Variants in AGBL4 observed in about 807,000 individuals in gnomAD.
The protein encoded by AGBL4 is cytosolic carboxypeptidase 6.
AGBL4 carries 58 observed loss-of-function variants against 66.4 expected under a neutral mutation model. That is an observed-to-expected ratio of 0.87 (90% CI 0.71 to 1.09). AGBL4 has a LOEUF of 1.09. AGBL4 is among the 50% of genes least tolerant of loss of function. The probability of loss-of-function intolerance (pLI) is 0.00; values close to 1 mark genes in which losing one functional copy is unlikely to be tolerated. For missense variants in AGBL4, 579 were observed against 631.0 expected, an observed-to-expected ratio of 0.92 and a Z score of 0.88; for synonymous variants, 234 against 222.9, an observed-to-expected ratio of 1.05 and a Z score of -0.44.
intron 3 of AGBL4, among the ~76,000 whole-genome samples, chr1:49,603,735 T>C (rs1214649584): frequency 6.6e-6 from 1 of 151,654 alleles, no homozygotes; most frequent in African/African-American, 2.4e-5. Flanking sequence ...CCATTCTGAG[T>C]CTCCAGTGTC....
At chr1:48,784,367 A>G (rs1934405) in intron 6 of AGBL4, among the ~76,000 whole-genome samples, 119,342 of 152,076 alleles carry the variant, frequency 0.78, 47,122 homozygotes, top group African/African-American at 0.86. Flanking sequence ...GAACAATGCT[A>G]ATGATAATCC....
At chr1:49,619,978 G>T (rs1339654707) in intron 3 of AGBL4, among the ~76,000 whole-genome samples, 1 of 152,088 alleles carries the variant, frequency 6.6e-6, no homozygotes, top group Non-Finnish European at 1.5e-5. Flanking sequence ...ATTCAAGATG[G>T]GTTAGAGACT....
At chr1:49,245,260 AC>A (rs1651547653) in intron 4 of AGBL4, among the ~76,000 whole-genome samples, 2 of 20,882 alleles carry the variant, frequency 9.6e-5, no homozygotes, top group African/African-American at 2.8e-4. Context: ...TTTAAAATAC[AC>A]ACACACACAC....
At position 49,350,124 on chromosome 1, in the gene AGBL4, T is replaced by A. The variant is rs369956778; in HGVS notation, c.283-104260A>T. Among the ~76,000 whole-genome samples the A allele has an allele frequency of 1.3e-4, 20 of 152,300 alleles. 1 individual carries two copies. Among genetic ancestry groups the A allele is most frequent in the African/African-American group, 4.8e-4 (20 of 41,564 alleles). On this transcript the variant is annotated intron_variant, in intron 3 of 13. Coordinates refer to ENST00000371839, the MANE Select transcript of AGBL4 (RefSeq NM_032785.4). ...TGTTTACTGATATATGTCCACTCTG[T>A]GTCACAGTGTTTGGCAATACTTAGA...
chr1:49,374,888 C>T (rs752000230), intron 3 of AGBL4, among the ~76,000 whole-genome samples: 3 of 152,096 alleles, frequency 2.0e-5, no homozygotes, highest in Non-Finnish European at 2.9e-5. Context: ...TAAACCTATC[C>T]AGTAGCTTCC....
At chr1:49,689,779 T>C (rs1160886797) in intron 3 of AGBL4, among the ~76,000 whole-genome samples, 1 of 152,208 alleles carries the variant, frequency 6.6e-6, no homozygotes, top group African/African-American at 2.4e-5. Context: ...AAACGAGAGC[T>C]TTCAGTCCTT....
intron 3 of AGBL4, among the ~76,000 whole-genome samples, chr1:49,379,084 C>T (rs1450174503): frequency 6.6e-6 from 1 of 151,982 alleles, no homozygotes; most frequent in African/African-American, 2.4e-5. Context: ...AATTTGTATG[C>T]CCTAGTATAG....
intron 5 of AGBL4, among the ~76,000 whole-genome samples, chr1:48,876,863 T>C (rs970918092): frequency 6.6e-6 from 1 of 152,214 alleles, no homozygotes. Context: ...ACATTTCTTT[T>C]TGTGGAATCA....
chr1:49,037,835 G>A (rs867017061), intron 5 of AGBL4, among the ~76,000 whole-genome samples: 2 of 151,932 alleles, frequency 1.3e-5, no homozygotes, highest in Middle Eastern at 3.2e-3. Context: ...GAGCCTGGCA[G>A]GCAGAAGATG....
chr1:49,858,735 G>A (rs1353849084), intron 1 of AGBL4, among the ~76,000 whole-genome samples: 1 of 152,016 alleles, frequency 6.6e-6, no homozygotes. Flanking sequence ...GCATGAAAAA[G>A]GCCAGGCAAG....
At position 48,634,550 on chromosome 1, in the gene AGBL4, C is replaced by A; in HGVS notation, c.894G>T (p.Trp298Cys). ...TCACTCCATGCAGGGTAGGATGGAC[C>A]CATGGAGAGGGATCCAGCCAGTGAC... The part of the protein sequence containing the change: ...LNRHWLDPSP[W>C]VHPTLHGVKQ... Residue 298 changes from tryptophan (W) to cysteine (C), a missense_variant, in exon 9 of 14, where the codon TGG becomes TGT. Physicochemically the swap from Trp to Cys is radical, Grantham distance 215. Transcript: ENST00000371839. The A allele has an allele frequency of 6.2e-7, 1 of 1,606,774 alleles. No individual in the cohort carries two copies. The highest frequency in any genetic ancestry group is 1.7e-5 in the Admixed American group (1 of 59,304).
chr1:48,978,623 A>G (rs1355640697), intron 5 of AGBL4, among the ~76,000 whole-genome samples: 1 of 152,162 alleles, frequency 6.6e-6, no homozygotes, highest in Non-Finnish European at 1.5e-5. Context: ...CGGTGATAAC[A>G]GCTTCCTGCA....
chr1:48,822,576 T>A (rs545601042), intron 6 of AGBL4, among the ~76,000 whole-genome samples: 7 of 152,380 alleles, frequency 4.6e-5, no homozygotes, highest in African/African-American at 1.7e-4. Context: ...TCTACTCTGC[T>A]CTATTGATCT....
intron 1 of AGBL4, among the ~76,000 whole-genome samples, chr1:49,961,653 A>T (rs1433225515): frequency 1.3e-5 from 2 of 152,154 alleles, no homozygotes; most frequent in Non-Finnish European, 2.9e-5. Context: ...ATAGTTTAGT[A>T]AAGATAATTT....
intron 6 of AGBL4, among the ~76,000 whole-genome samples, chr1:48,772,672 T>C (rs1644895657): frequency 6.6e-6 from 1 of 152,088 alleles, no homozygotes; most frequent in African/African-American, 2.4e-5. Flanking sequence ...ATGAGAGCAG[T>C]CAACTAAGAC....
chr1:49,126,941 C>T (rs577494528), intron 4 of AGBL4, among the ~76,000 whole-genome samples: 19 of 152,128 alleles, frequency 1.2e-4, no homozygotes, highest in African/African-American at 4.6e-4. Context: ...TCATAAAAGA[C>T]CCTAGACAGT....
chr1:49,223,986 G>C (rs1649702902), intron 4 of AGBL4, among the ~76,000 whole-genome samples: 1 of 152,102 alleles, frequency 6.6e-6, no homozygotes, highest in Non-Finnish European at 1.5e-5. Context: ...ATCATTGTGT[G>C]GTCCTGGGCT....
At chr1:49,354,285 G>C (rs931622526) in intron 3 of AGBL4, among the ~76,000 whole-genome samples, 1 of 152,200 alleles carries the variant, frequency 6.6e-6, no homozygotes, top group Non-Finnish European at 1.5e-5. Context: ...GAACTCTCCT[G>C]TTCCACAGTG....
At chr1:48,897,530 T>G (rs1651639048) in intron 5 of AGBL4, among the ~76,000 whole-genome samples, 1 of 152,202 alleles carries the variant, frequency 6.6e-6, no homozygotes, top group African/African-American at 2.4e-5. Flanking sequence ...TTAATTCTAT[T>G]TTTAGTTTTT....
Sources: allele counts gnomAD v4.1 joint callset (sites outside exome capture counted in the v4.1 genomes callset), GRCh38; gene constraint gnomAD v4.1.1; transcripts MANE v1.5; gene names NCBI Gene and HGNC (gene_info 2026-07-23, HGNC 2026-07-21).